The following C5 variants were observed in gnomAD, a reference collection of about 807,000 sequenced individuals.
C5 encodes the protein complement C5.
A neutral mutation model predicts 218.8 loss-of-function variants in C5; 140 were observed. That is an observed-to-expected ratio of 0.64 (90% confidence interval 0.56 to 0.74). The LOEUF (loss-of-function observed/expected upper bound fraction) is 0.74. Among genes scored for constraint, C5 ranks in the 30% least tolerant of loss-of-function variants. The pLI is 0.00. For missense variants in C5, 1,700 were observed against 1,969.6 expected (o/e 0.86, Z 2.59); for synonymous variants, 614 against 682.3 (o/e 0.90, Z 1.56).
chr9:120,973,241 C>T (rs1350715395), intron 30 of C5, among the ~76,000 whole-genome samples: 1 of 152,142 alleles, frequency 6.6e-6, no homozygotes, highest in Admixed American at 6.5e-5. Context: ...GTTAGGATGA[C>T]AAGAGGCCTC....
intron 3 of C5, among the ~76,000 whole-genome samples, chr9:121,039,508 C>T (rs1010488949): frequency 5.3e-5 from 8 of 152,030 alleles, no homozygotes; most frequent in Admixed American, 5.2e-4. Context: ...CATGGTGGCA[C>T]GCGCCTGAAT....
the C5 span, among the ~76,000 whole-genome samples, chr9:121,062,504 T>C: frequency 6.6e-6 from 1 of 152,220 alleles, no homozygotes; most frequent in African/African-American, 2.4e-5. Context: ...AGTAAACTCA[T>C]ATCTGACTTC....
intron 31 of C5, 122 bp from the exon 32 acceptor site, chr9:120,970,373 A>G: frequency 2.8e-6 from 2 of 723,298 alleles, no homozygotes; most frequent in Non-Finnish European, 5.0e-6. Flanking sequence ...TCCAGCACAA[A>G]TGGTGTACAT....
rs1415924109 is a variant in C5 at position 120,963,683 on chromosome 9, T to C, written c.4276A>G (p.Ile1426Val). The C allele has an allele frequency of 3.7e-6, 6 of 1,613,906 alleles. No individual in the cohort carries two copies. In the African/African-American group the frequency reaches 8.0e-5, roughly 22 times the overall value. The change falls in exon 34 of 41, where the codon ATC (isoleucine) becomes GTC (valine). Residue 1426 changes from isoleucine to valine, a missense_variant. By Grantham distance (29) the Ile-to-Val change is conservative. Coordinates refer to ENST00000223642, the MANE Select transcript of C5 (RefSeq NM_001735.3). ...GCACTGATTCCAGTAGGCAAGGAGA[T>C]GTCCATCACCGCATGAGAGGATCCA... ...SSGSSHAVMD[I>V]SLPTGISANE...
chr9:120,984,226 C>T (rs893146731), intron 25 of C5, among the ~76,000 whole-genome samples: 1 of 151,792 alleles, frequency 6.6e-6, no homozygotes, highest in Non-Finnish European at 1.5e-5. Context: ...TGATATTAAT[C>T]GGAACTTGCC....
chr9:121,002,288 A>C (rs1470450340), intron 20 of C5, among the ~76,000 whole-genome samples: 1 of 111,656 alleles, frequency 9.0e-6, no homozygotes, highest in Non-Finnish European at 1.9e-5. Context: ...ATACGTATAT[A>C]TGTATATATG....
rs1035900702 is a variant in C5, at chr9:121,030,255, T to A, written c.758+142A>T. 1.2e-5 allele frequency: 7 copies of A among 574,524 alleles called. No individual in the cohort carries two copies. The Admixed American group carries it at 2.3e-4, about 19-fold the overall frequency. The allele number at this position is 574,524 out of a possible 1,614,324, so 35.6% of individuals were successfully genotyped here. On this transcript the variant is annotated intron_variant, in intron 7 of 40. Transcript: ENST00000223642. ...ATAAGCAAATGAACTACCAGCATGA[T>A]GTCTCCTTTATCAATTAGTCCCCAA...
the C5 span, among the ~76,000 whole-genome samples, chr9:121,061,797 C>A: frequency 6.6e-6 from 1 of 152,188 alleles, no homozygotes; most frequent in Non-Finnish European, 1.5e-5. Context: ...ATATTCCATT[C>A]TTCCCAGAAC....
Position 120,989,744 on chromosome 9 carries a change from C to T in C5, c.2978G>A (p.Ser993Asn). 1.2e-6 allele frequency: 2 copies of T among 1,614,034 alleles called. No homozygotes were observed. Among genetic ancestry groups the T allele is most frequent in the South Asian group, 2.2e-5 (2 of 91,076 alleles). Reference sequence around the variant, plus strand: ...GGTTAGGATATTGATGCCTTCCTGACTTAGAACTGCAGACAAGATCTCACC... The same window carrying T: ...GGTTAGGATATTGATGCCTTCCTGATTTAGAACTGCAGACAAGATCTCACC... Reference protein sequence around the residue: ...LVGEILSAVLSQEGINILTHL... With the variant: ...LVGEILSAVLNQEGINILTHL... Residue 993 changes from serine to asparagine, a missense_variant, in exon 24 of 41, where the codon AGT (serine) becomes AAT (asparagine). Coordinates refer to ENST00000223642, the MANE Select transcript of C5 (RefSeq NM_001735.3).
chr9:121,041,300 T>TTTTTC (rs1467747384), intron 3 of C5, among the ~76,000 whole-genome samples: 1 of 126,814 alleles, frequency 7.9e-6, no homozygotes, highest in Non-Finnish European at 1.7e-5. Flanking sequence ...ATGAAGCCTT[T>TTTTTC]TTTTTTTTTT....
intron 6 of C5, 127 bp downstream of exon 6, chr9:121,031,986 C>T (rs1424519851): frequency 3.5e-5 from 20 of 579,062 alleles, no homozygotes; most frequent in Non-Finnish European, 6.1e-5. Context: ...TTGCTTGAAC[C>T]CAGGAGGCGG....
At chr9:121,070,343 A>C in the C5 span, among the ~76,000 whole-genome samples, 44 of 141,878 alleles carry the variant, frequency 3.1e-4, no homozygotes, top group African/African-American at 1.2e-3. Context: ...GGCAACAAGA[A>C]CAAAATTCTG....
chr9:121,045,563 G>C (rs919466813), intron 2 of C5, among the ~76,000 whole-genome samples: 3 of 152,004 alleles, frequency 2.0e-5, no homozygotes, highest in Admixed American at 2.0e-4. Context: ...GAACTGCAGA[G>C]CCCATTTTAC....
chr9:121,058,327 C>T, the C5 span, among the ~76,000 whole-genome samples: 2 of 152,046 alleles, frequency 1.3e-5, no homozygotes, highest in East Asian at 3.8e-4. Context: ...GCAGAAATTT[C>T]GATTTGATTG....
At position 120,997,485 on chromosome 9, in the gene C5, C is replaced by T. The variant is rs377594647; in HGVS notation, c.2790+62G>A. The T allele has an allele frequency of 1.7e-4, 204 of 1,197,150 alleles. 1 individual carries two copies. The African/African-American group carries it at 2.7e-3, about 16-fold the overall frequency. 74.2% of individuals were successfully genotyped at this position (1,197,150 alleles called of 1,614,324 possible). A position where few individuals can be genotyped will look rare whatever the true frequency, so the allele number is the denominator to read the frequency against. ...TTTACACTATTGTTTCTCTCCCCCC[C>T]CTTTCTGTGTCTCTCTTTTGCAATA... On this transcript the variant is annotated intron_variant, in intron 21 of 40. Coordinates refer to ENST00000223642, the MANE Select transcript of C5 (RefSeq NM_001735.3).
intron 10 of C5, among the ~76,000 whole-genome samples, chr9:121,022,085 A>G (rs947094181): frequency 2.6e-5 from 4 of 152,206 alleles, no homozygotes; most frequent in African/African-American, 9.6e-5. Context: ...TCTCCCATAA[A>G]TCAAGCAAAC....
chr9:120,952,842 G>T lies in C5; in HGVS notation c.4928C>A (p.Thr1643Asn). The part of the protein sequence containing the change: ...FRYIYPLDSL[T>N]WIEYWPRDTT... ...GTCTCTAGGCCAGTATTCAATCCAG[G>T]TCAAGGAATCTAAAGGGTAGATGTA... The change falls in exon 41 of 41, where the codon ACC becomes AAC. Residue 1643 changes from threonine to asparagine, a missense_variant. Thr to Asn is a moderately conservative substitution (Grantham distance 65, BLOSUM62 0). Transcript: ENST00000223642. 1 of 1,613,964 alleles carries T rather than the reference G, an allele frequency of 6.2e-7. No homozygotes were observed. The highest frequency in any genetic ancestry group is 8.5e-7 in the Non-Finnish European group (1 of 1,179,922).
At chr9:121,059,291 G>GCAT in the C5 span, among the ~76,000 whole-genome samples, 4 of 152,098 alleles carry the variant, frequency 2.6e-5, no homozygotes, top group Non-Finnish European at 5.9e-5. This position sits in a 1 kb window ranked among gnomAD's most constrained non-coding sequence, Gnocchi z 4.1. Context: ...GTTAATAATG[G>GCAT]AATTTAGTTA....
chr9:121,020,319 T>C, intron 11 of C5, 140 bp from the exon 12 acceptor site: 1 of 703,892 alleles, frequency 1.4e-6, no homozygotes, highest in Non-Finnish European at 2.5e-6. Context: ...AACCCTCCAT[T>C]ACTTCAGTGT....
Sources: gnomAD v4.1 joint callset for allele counts (sites outside exome capture counted in the v4.1 genomes callset) on GRCh38, gnomAD v4.1.1 for gene constraint, Gnocchi (gnomAD v3.1) non-coding constraint, MANE v1.5 for transcripts, NCBI Gene and HGNC (gene_info 2026-07-23, HGNC 2026-07-21) for gene names.